RPA3: variants seen among roughly 807,000 people sequenced by gnomAD.
RPA3 encodes the protein replication protein A 14 kDa subunit.
A neutral mutation model predicts 13.7 loss-of-function variants in RPA3; 24 were observed. That is an observed-to-expected ratio of 1.75 (90% CI 1.27 to 2.46). The LOEUF is 2.46. Among genes scored for constraint, RPA3 ranks in the 30% most tolerant of loss-of-function variants. The pLI, the probability that RPA3 is intolerant of heterozygous loss-of-function variation, is 0.00. For synonymous variants in RPA3, 59 were observed against 51.2 expected (o/e 1.15, Z -0.65); for missense variants, 183 against 151.0 (o/e 1.21, Z -1.11).
At chr7:7,664,923 T>C (rs1170845116) in intron 4 of RPA3, among the ~76,000 whole-genome samples, 1 of 152,174 alleles carries the variant, frequency 6.6e-6, no homozygotes, top group African/African-American at 2.4e-5. Context: ...TTAAACATCG[T>C]TCAGGATTTT....
chr7:7,683,944 A>G (rs752517819), intron 4 of RPA3, among the ~76,000 whole-genome samples: 12 of 152,156 alleles, frequency 7.9e-5, no homozygotes, highest in South Asian at 4.1e-4. Flanking sequence ...TCTATGAGTA[A>G]TATACAGTTT....
intron 4 of RPA3, among the ~76,000 whole-genome samples, chr7:7,680,867 C>T (rs903127586): frequency 3.3e-5 from 5 of 151,190 alleles, no homozygotes; most frequent in Non-Finnish European, 7.4e-5. Context: ...TATAAAAATG[C>T]TATTGATTTT....
chr7:7,714,049 T>G (rs1355307747), intron 2 of RPA3, among the ~76,000 whole-genome samples: 2 of 152,224 alleles, frequency 1.3e-5, no homozygotes. Flanking sequence ...TTTTAAATGT[T>G]TTAAGATTTC....
chr7:7,715,031 T>G (rs1780862456), intron 2 of RPA3, 144 bp downstream of exon 2: 1 of 152,074 alleles, frequency 6.6e-6, no homozygotes, highest in Non-Finnish European at 1.5e-5. Context: ...AACTGCAGTT[T>G]TTTGTTGTAG....
Position 7,685,988 on chromosome 7 carries a change from C to T in RPA3, c.-916G>A, listed in dbSNP as rs963364055. Reference sequence around the variant, plus strand: ...TTAGGGATGCTCCAGATTCCTGGGCCTTGCCCACACCTAGTGAAACAGAAT... The same window carrying T: ...TTAGGGATGCTCCAGATTCCTGGGCTTTGCCCACACCTAGTGAAACAGAAT... On this transcript the variant is annotated 5_prime_UTR_variant, in exon 4 of 8. Transcript: ENST00000223129. 3.3e-5 allele frequency: 5 copies of T among 152,186 alleles called. No homozygotes were observed. Among genetic ancestry groups the T allele is most frequent in the African/African-American group, 1.2e-4 (5 of 41,424 alleles). 9.4% of individuals were successfully genotyped at this position (152,186 alleles called of 1,614,324 possible).
chr7:7,643,463 C>T (rs1785020971), intron 4 of RPA3, among the ~76,000 whole-genome samples: 1 of 152,328 alleles, frequency 6.6e-6, no homozygotes, highest in African/African-American at 2.4e-5. Context: ...GTAATCCCAG[C>T]ACTTTGGGAG....
At chr7:7,664,690 C>T (rs1237543725) in intron 4 of RPA3, among the ~76,000 whole-genome samples, 2 of 152,178 alleles carry the variant, frequency 1.3e-5, no homozygotes, top group Non-Finnish European at 2.9e-5. Context: ...CTAGTCTGCG[C>T]AGCCTACCAG....
intron 4 of RPA3, among the ~76,000 whole-genome samples, chr7:7,645,017 T>A (rs1157079770): frequency 6.6e-6 from 1 of 152,232 alleles, no homozygotes; most frequent in Non-Finnish European, 1.5e-5. Context: ...ACTTTTAGCT[T>A]AGATTTATTC....
At position 7,640,560 on chromosome 7, in the gene RPA3, C is replaced by G. The variant is rs1784943478; in HGVS notation, c.-142G>C. The G allele has an allele frequency of 1.4e-6, 1 of 733,426 alleles. No homozygotes were observed. Among genetic ancestry groups the G allele is most frequent in the Non-Finnish European group, 2.3e-6 (1 of 434,756 alleles). 45.4% of individuals were successfully genotyped at this position (733,426 alleles called of 1,614,324 possible). ...CTTCGCCAATTAAATGCGCGGAAAC[C>G]TAAATCGCAATCGCGCTGTCTCTGA... On this transcript the variant is annotated 5_prime_UTR_variant, in exon 5 of 8. Transcript: ENST00000223129.
intron 4 of RPA3, among the ~76,000 whole-genome samples, chr7:7,643,592 G>C (rs1270271390): frequency 2.0e-5 from 3 of 152,014 alleles, no homozygotes; most frequent in African/African-American, 7.3e-5. Context: ...GGGGCCTGTA[G>C]TCCCAGCTAC....
At chr7:7,696,302 A>T (rs1037770510) in intron 2 of RPA3, among the ~76,000 whole-genome samples, 4 of 143,082 alleles carry the variant, frequency 2.8e-5, no homozygotes, top group African/African-American at 7.8e-5. Flanking sequence ...TAGGTAGATT[A>T]AAAAAAAAAA....
intron 4 of RPA3, among the ~76,000 whole-genome samples, chr7:7,658,449 G>T (rs1463285627): frequency 1.3e-5 from 2 of 152,176 alleles, no homozygotes; most frequent in African/African-American, 4.8e-5. Context: ...CTGTGGGTTT[G>T]TCATAAATAG....
chr7:7,716,099 A>C (rs531184173), intron 1 of RPA3, among the ~76,000 whole-genome samples: 15 of 152,322 alleles, frequency 9.8e-5, no homozygotes, highest in African/African-American at 3.1e-4. Flanking sequence ...TGCAGAAAGC[A>C]AACAAGCTGT....
At chr7:7,680,538 A>G (rs1779883417) in intron 4 of RPA3, among the ~76,000 whole-genome samples, 2 of 152,108 alleles carry the variant, frequency 1.3e-5, no homozygotes. Context: ...TTGTGATTCT[A>G]TATAAATGTT....
intron 4 of RPA3, among the ~76,000 whole-genome samples, chr7:7,684,206 A>ATTT (rs112128125): frequency 6.9e-6 from 1 of 144,840 alleles, no homozygotes. Context: ...CACAGATGCA[A>ATTT]TTTTTTTTTT....
intron 2 of RPA3, among the ~76,000 whole-genome samples, chr7:7,698,940 G>A (rs971036574): frequency 6.8e-6 from 1 of 146,114 alleles, no homozygotes; most frequent in Admixed American, 7.0e-5. Context: ...CTGAAGTCTC[G>A]ACTTCCCTGG....
At chr7:7,645,809 T>C (rs928249208) in intron 4 of RPA3, among the ~76,000 whole-genome samples, 2 of 137,570 alleles carry the variant, frequency 1.5e-5, no homozygotes, top group African/African-American at 5.9e-5. Flanking sequence ...CTGTTGTTTT[T>C]GTTTAGGATT....
chr7:7,694,696 G>C (rs1206722233), intron 2 of RPA3, among the ~76,000 whole-genome samples: 1 of 152,076 alleles, frequency 6.6e-6, no homozygotes, highest in African/African-American at 2.4e-5. Flanking sequence ...TTCCATCTAT[G>C]TTGTTGTAAA....
intron 6 of RPA3, 118 bp downstream of exon 6, chr7:7,638,952 G>T: frequency 3.0e-6 from 2 of 658,552 alleles, no homozygotes; most frequent in Non-Finnish European, 4.9e-6. Flanking sequence ...AGCCAGGGAC[G>T]TTTTACCAGC....
Sources: allele counts gnomAD v4.1 joint callset (sites outside exome capture counted in the v4.1 genomes callset), GRCh38; gene constraint gnomAD v4.1.1; transcripts MANE v1.5; gene names NCBI Gene and HGNC (gene_info 2026-07-23, HGNC 2026-07-21).